Variants in NEGR1 observed in about 807,000 individuals in gnomAD.
NEGR1 encodes the protein neuronal growth regulator 1.
NEGR1 carries 10 observed loss-of-function variants against 40.9 expected under a neutral mutation model. That is an observed-to-expected ratio of 0.24 (90% CI 0.15 to 0.42). NEGR1 has a LOEUF of 0.42. Ranked by LOEUF, NEGR1 falls within the 10% of genes least tolerant of loss-of-function variation. The pLI, the probability that NEGR1 is intolerant of heterozygous loss-of-function variation, is 1.00. For synonymous variants in NEGR1, 185 were observed against 166.8 expected, an observed-to-expected ratio of 1.11 and a Z score of -0.84; for missense variants, 352 against 438.9, an observed-to-expected ratio of 0.80 and a Z score of 1.77.
intron 1 of NEGR1, among the ~76,000 whole-genome samples, chr1:72,217,251 G>T (rs990892529): frequency 2.0e-5 from 3 of 151,716 alleles, no homozygotes; most frequent in Admixed American, 2.0e-4. Context: ...TGAAATATCA[G>T]ATTATGATGT....
intron 4 of NEGR1, among the ~76,000 whole-genome samples, chr1:71,617,163 T>C (rs1650472471): frequency 6.6e-6 from 1 of 152,246 alleles, no homozygotes; most frequent in African/African-American, 2.4e-5. Context: ...CTAACCACAT[T>C]GCTAAAGCTA....
At chr1:72,016,749 G>A (rs1330587147) in intron 1 of NEGR1, among the ~76,000 whole-genome samples, 1 of 152,082 alleles carries the variant, frequency 6.6e-6, no homozygotes. Flanking sequence ...TATCTCAGAG[G>A]GAAGTTACAG....
chr1:72,230,847 T>C (rs530497126), intron 1 of NEGR1, among the ~76,000 whole-genome samples: 1 of 152,158 alleles, frequency 6.6e-6, no homozygotes, highest in Non-Finnish European at 1.5e-5. Context: ...TGGAACTACA[T>C]CCTGCCATTC....
intron 6 of NEGR1, among the ~76,000 whole-genome samples, chr1:71,496,022 C>T (rs981245303): frequency 2.6e-5 from 4 of 152,036 alleles, no homozygotes; most frequent in Admixed American, 1.3e-4. Context: ...CTGCCTTTCC[C>T]ACATCTTACA....
rs967874933 is a variant in NEGR1, at chr1:71,422,208, G to C, written c.941-14638C>G. ...AAGCCACATTCTTGTTTATTACAGA[G>C]TGACAGTAATAAATTTTCAGGATTT... is the stretch of plus-strand genomic sequence containing the variant. On this transcript the variant is annotated intron_variant, in intron 6 of 6. Transcript: ENST00000357731. Among the ~76,000 whole-genome samples, 14 of 152,256 alleles carry C rather than the reference G, an allele frequency of 9.2e-5. No individual in the cohort carries two copies. The East Asian group carries it at 2.5e-3, about 27-fold the overall frequency.
At chr1:71,785,742 C>T (rs1340423599) in intron 2 of NEGR1, among the ~76,000 whole-genome samples, 1 of 152,154 alleles carries the variant, frequency 6.6e-6, no homozygotes, top group East Asian at 1.9e-4. Flanking sequence ...CAGCTGCCTT[C>T]TTTGCAAACA....
Position 72,221,353 on chromosome 1 carries a change from T to C in NEGR1, c.176+60966A>G, listed in dbSNP as rs150565133. 5.9e-5 allele frequency among the ~76,000 whole-genome samples: 9 copies of C among 152,220 alleles called. No homozygotes were observed. In the East Asian group the frequency reaches 1.7e-3, roughly 29 times the overall value. Reference sequence around the variant, plus strand: ...TTCACCAGTTTCAGGTGAATGTGAATATTGGGGAGACACTGTTCAATCAAG... The same window carrying C: ...TTCACCAGTTTCAGGTGAATGTGAACATTGGGGAGACACTGTTCAATCAAG... On this transcript the variant is annotated intron_variant, in intron 1 of 6. Coordinates refer to ENST00000357731, the MANE Select transcript of NEGR1 (RefSeq NM_173808.3).
At chr1:71,901,797 A>C (rs1271278904) in intron 2 of NEGR1, among the ~76,000 whole-genome samples, 1 of 150,672 alleles carries the variant, frequency 6.6e-6, no homozygotes, top group Non-Finnish European at 1.5e-5. Flanking sequence ...CAGCCTCCTG[A>C]GTAGCTGCGA....
intron 2 of NEGR1, among the ~76,000 whole-genome samples, chr1:71,790,250 C>T (rs958325986): frequency 5.3e-5 from 8 of 152,060 alleles, no homozygotes; most frequent in African/African-American, 1.7e-4. Context: ...GTGGTAGATT[C>T]ATGTCTATAT....
chr1:71,509,144 A>G (rs186115903), intron 6 of NEGR1, among the ~76,000 whole-genome samples: 3 of 152,328 alleles, frequency 2.0e-5, no homozygotes, highest in African/African-American at 7.2e-5. Context: ...AGCCCTCAGG[A>G]AGAGTAACTG....
rs1196759681 is a variant in NEGR1 at position 71,404,341 on chromosome 1, A to G, written c.*3105T>C. 6.6e-6 allele frequency: 1 copy of G among 152,128 alleles called. No homozygotes were observed. Among genetic ancestry groups the G allele is most frequent in the Non-Finnish European group, 1.5e-5 (1 of 67,710 alleles). The allele number at this position is 152,128 out of a possible 1,614,324, so 9.4% of individuals were successfully genotyped here. A position where few individuals can be genotyped will look rare whatever the true frequency, so the allele number is the denominator to read the frequency against. On this transcript the variant is annotated 3_prime_UTR_variant, in exon 7 of 7. Transcript: ENST00000357731. ...ATCTTTTAGTGTCTCAAAAACACCCACATTACTATAACTTGGGCAGTACTT... is the reference window on the plus strand; with the variant it reads ...ATCTTTTAGTGTCTCAAAAACACCCGCATTACTATAACTTGGGCAGTACTT...
At chr1:72,026,328 A>G (rs143144073) in intron 1 of NEGR1, among the ~76,000 whole-genome samples, 76 of 151,458 alleles carry the variant, frequency 5.0e-4, no homozygotes, top group Non-Finnish European at 2.1e-4. Flanking sequence ...TGGATTATTA[A>G]TGGCAAATCA....
At chr1:71,914,930 T>C (rs1661528155) in intron 2 of NEGR1, among the ~76,000 whole-genome samples, 1 of 152,206 alleles carries the variant, frequency 6.6e-6, no homozygotes, top group African/African-American at 2.4e-5. Context: ...TGGATTTCTT[T>C]GCTCTTGTGT....
At chr1:71,602,208 G>T (rs1172620601) in intron 5 of NEGR1, among the ~76,000 whole-genome samples, 4 of 140,042 alleles carry the variant, frequency 2.9e-5, no homozygotes, top group Non-Finnish European at 4.6e-5. Context: ...ACATGACATT[G>T]ATCACGTTCT....
At chr1:71,767,777 A>C (rs1028393210) in intron 3 of NEGR1, among the ~76,000 whole-genome samples, 1 of 152,182 alleles carries the variant, frequency 6.6e-6, no homozygotes, top group Admixed American at 6.5e-5. Flanking sequence ...ACCAAGGAAG[A>C]ATGATTTTGT....
Position 71,457,008 on chromosome 1 carries a change from C to T in NEGR1, c.941-49438G>A, listed in dbSNP as rs143692943. On this transcript the variant is annotated intron_variant, in intron 6 of 6. Coordinates refer to ENST00000357731, the MANE Select transcript of NEGR1 (RefSeq NM_173808.3). ...GTTGTTGTTTACTCTTTGTTGCTTC[C>T]GGGATTGGTGTCTGTGGAAATATTA... Among the ~76,000 whole-genome samples the T allele has an allele frequency of 3.8e-3, 582 of 152,152 alleles. 8 individuals carry two copies. The South Asian group carries it at 0.059, about 15-fold the overall frequency.
chr1:71,442,400 A>G (rs1646554221), intron 6 of NEGR1, among the ~76,000 whole-genome samples: 1 of 152,098 alleles, frequency 6.6e-6, no homozygotes, highest in African/African-American at 2.4e-5. Context: ...AGATCACTTG[A>G]GGTCAGGAGT....
intron 3 of NEGR1, among the ~76,000 whole-genome samples, chr1:71,760,103 G>A (rs1461517710): frequency 2.0e-5 from 3 of 152,048 alleles, no homozygotes; most frequent in Non-Finnish European, 2.9e-5. Context: ...GGGAAACAAC[G>A]TGGCATGTCA....
intron 4 of NEGR1, among the ~76,000 whole-genome samples, chr1:71,636,330 T>C (rs1272170312): frequency 6.6e-6 from 1 of 152,134 alleles, no homozygotes; most frequent in Non-Finnish European, 1.5e-5. Context: ...GAGTATTTCG[T>C]ACCTTCCTCA....
Sources: gnomAD v4.1 joint callset for allele counts (sites outside exome capture counted in the v4.1 genomes callset) on GRCh38, gnomAD v4.1.1 for gene constraint, MANE v1.5 for transcripts, NCBI Gene and HGNC (gene_info 2026-07-23, HGNC 2026-07-21) for gene names.